FAT3: variants seen among roughly 807,000 people sequenced by gnomAD.
The protein encoded by FAT3 is FAT atypical cadherin 3.
Under a neutral mutation model 310.2 loss-of-function variants are expected in FAT3, and 95 were observed. The ratio of observed to expected loss-of-function variants is 0.31; its 90% CI spans 0.26 to 0.36. The LOEUF (loss-of-function observed/expected upper bound fraction) is 0.36, where lower values mean the gene tolerates loss of function less well. Among genes scored for constraint, FAT3 ranks in the 10% least tolerant of loss-of-function variants. The probability of loss-of-function intolerance (pLI) is 1.00; values close to 1 mark genes in which losing one functional copy is unlikely to be tolerated. For missense variants in FAT3, 5,408 were observed against 5,715.6 expected (o/e 0.95, Z 1.74); for synonymous variants, 2,314 against 2,192.9 (o/e 1.06, Z -1.54).
rs1265411100 is a variant in FAT3, at chr11:92,496,274, G to A, written c.3293-28360G>A. On this transcript the variant is annotated intron_variant, in intron 2 of 27. Coordinates refer to ENST00000525166, the MANE Select transcript of FAT3 (RefSeq NM_001367949.2). ...TACCCTCAGTGCCTAATGCATAAGA[G>A]TCAGTAAATATTTGTTGCATGAATA... Among the ~76,000 whole-genome samples, 3 of 152,046 alleles carry A rather than the reference G, an allele frequency of 2.0e-5. No individual in the cohort carries two copies. In the South Asian group the frequency reaches 6.2e-4, roughly 32 times the overall value.
intron 1 of FAT3, among the ~76,000 whole-genome samples, chr11:92,236,175 T>C (rs1417617113): frequency 6.6e-6 from 1 of 152,238 alleles, no homozygotes; most frequent in Non-Finnish European, 1.5e-5. Flanking sequence ...GGATTGAGTC[T>C]TTCCAGTATA....
At chr11:92,717,613 G>A (rs1280909953) in intron 4 of FAT3, among the ~76,000 whole-genome samples, 1 of 152,156 alleles carries the variant, frequency 6.6e-6, no homozygotes, top group South Asian at 2.1e-4. Flanking sequence ...GAACATATAT[G>A]GAAGATTTTT....
intron 3 of FAT3, among the ~76,000 whole-genome samples, chr11:92,686,559 A>G (rs558884858): frequency 6.6e-6 from 1 of 152,330 alleles, no homozygotes; most frequent in African/African-American, 2.4e-5. Context: ...TACAATGTAA[A>G]TATAAATTTA....
intron 2 of FAT3, among the ~76,000 whole-genome samples, chr11:92,507,661 C>T (rs1314374633): frequency 6.7e-6 from 1 of 149,622 alleles, no homozygotes; most frequent in Non-Finnish European, 1.5e-5. Context: ...CATATATACA[C>T]ATATATGTAC....
chr11:92,664,515 C>T (rs1260170278), intron 3 of FAT3, among the ~76,000 whole-genome samples: 1 of 152,066 alleles, frequency 6.6e-6, no homozygotes, highest in Non-Finnish European at 1.5e-5. Flanking sequence ...TTTAAGTTTG[C>T]CTTTTGTTAT....
At chr11:92,427,688 C>A in intron 2 of FAT3, among the ~76,000 whole-genome samples, 1 of 151,896 alleles carries the variant, frequency 6.6e-6, no homozygotes, top group African/African-American at 2.4e-5. Flanking sequence ...TTTGCATATA[C>A]CGAACTAGCC....
At chr11:92,286,321 A>T (rs1401446615) in intron 1 of FAT3, among the ~76,000 whole-genome samples, 3 of 152,114 alleles carry the variant, frequency 2.0e-5, no homozygotes, top group Non-Finnish European at 4.4e-5. Flanking sequence ...GTTTTTGATT[A>T]TTCCAAATTT....
intron 1 of FAT3, among the ~76,000 whole-genome samples, chr11:92,259,866 A>T (rs1284482446): frequency 6.6e-6 from 1 of 152,120 alleles, no homozygotes; most frequent in South Asian, 2.1e-4. Context: ...ACCTGCTTTC[A>T]TCTCCTCTTC....
chr11:92,441,702 C>T (rs770898359), intron 2 of FAT3, among the ~76,000 whole-genome samples: 1 of 152,132 alleles, frequency 6.6e-6, no homozygotes, highest in Non-Finnish European at 1.5e-5. Flanking sequence ...GTTTAAAACA[C>T]CACAAAACAG....
chr11:92,316,124 G>A (rs189244331), intron 1 of FAT3, among the ~76,000 whole-genome samples: 2 of 152,040 alleles, frequency 1.3e-5, no homozygotes, highest in East Asian at 3.9e-4. Flanking sequence ...AAAATACTAG[G>A]CTCAAATATC....
chr11:92,321,925 G>C (rs1287373476), intron 1 of FAT3, among the ~76,000 whole-genome samples: 3 of 152,178 alleles, frequency 2.0e-5, no homozygotes, highest in African/African-American at 7.2e-5. Context: ...CAGGGTGATT[G>C]TTCAAGTAAA....
chr11:92,520,757 C>A (rs532918616), intron 2 of FAT3, among the ~76,000 whole-genome samples: 1 of 152,214 alleles, frequency 6.6e-6, no homozygotes, highest in East Asian at 1.9e-4. Context: ...TAACACATTT[C>A]AGACTCAGTC....
intron 19 of FAT3, among the ~76,000 whole-genome samples, chr11:92,849,481 C>T (rs570230563): frequency 4.6e-5 from 7 of 152,316 alleles, no homozygotes; most frequent in African/African-American, 1.7e-4. Flanking sequence ...ACCTGGCTAA[C>T]CCTGCTTCTA....
At chr11:92,609,726 A>G (rs1251940184) in intron 3 of FAT3, among the ~76,000 whole-genome samples, 2 of 152,164 alleles carry the variant, frequency 1.3e-5, no homozygotes, top group Admixed American at 1.3e-4. Context: ...AGAAGGATAT[A>G]ATATGAAAGT....
chr11:92,615,900 C>T lies in FAT3; in HGVS notation c.3608-81484C>T, dbSNP rs543654574. Among the ~76,000 whole-genome samples, 437 of 152,106 alleles carry T rather than the reference C, an allele frequency of 2.9e-3. 2 individuals carry two copies. Among genetic ancestry groups the T allele is most frequent in the African/African-American group, 1.0e-2 (413 of 41,492 alleles). On this transcript the variant is annotated intron_variant, in intron 3 of 27. Coordinates refer to ENST00000525166, the MANE Select transcript of FAT3 (RefSeq NM_001367949.2). ...CTGAGGAGTGCTTTACTTCCAACTA[C>T]GTGGTCAATTTTGGAATAAGTGTGA...
intron 9 of FAT3, among the ~76,000 whole-genome samples, chr11:92,794,389 A>G (rs933685647): frequency 5.3e-5 from 8 of 151,900 alleles, no homozygotes; most frequent in African/African-American, 1.9e-4. Context: ...ACATTGTTTC[A>G]TGTCACTGTA....
intron 2 of FAT3, among the ~76,000 whole-genome samples, chr11:92,459,577 C>T (rs1420331284): frequency 6.6e-6 from 1 of 152,178 alleles, no homozygotes; most frequent in East Asian, 1.9e-4. Flanking sequence ...ACTTCACTGC[C>T]TATGCCTGGA....
intron 3 of FAT3, among the ~76,000 whole-genome samples, chr11:92,695,484 G>A (rs1328310104): frequency 6.6e-6 from 1 of 151,848 alleles, no homozygotes; most frequent in Non-Finnish European, 1.5e-5. Flanking sequence ...TCACACAGAG[G>A]AACTCTGCAA....
At chr11:92,807,560 A>T (rs1947539107) in intron 12 of FAT3, among the ~76,000 whole-genome samples, 1 of 152,242 alleles carries the variant, frequency 6.6e-6, no homozygotes, top group Non-Finnish European at 1.5e-5. Flanking sequence ...TAACAGGTAT[A>T]AATGAAGTTG....
Sources: gnomAD v4.1 joint callset for allele counts (sites outside exome capture counted in the v4.1 genomes callset) on GRCh38, gnomAD v4.1.1 for gene constraint, MANE v1.5 for transcripts, NCBI Gene and HGNC (gene_info 2026-07-23, HGNC 2026-07-21) for gene names.